The following NPAS2 variants were observed in gnomAD, a reference collection of about 807,000 sequenced individuals.
NPAS2 encodes the protein neuronal PAS domain protein 2.
Under a neutral mutation model 107.5 loss-of-function variants are expected in NPAS2, and 23 were observed. That is an observed-to-expected ratio of 0.21 (90% confidence interval 0.15 to 0.30). The LOEUF (loss-of-function observed/expected upper bound fraction) is 0.30, where lower values mean the gene tolerates loss of function less well. Among genes scored for constraint, NPAS2 ranks in the 10% least tolerant of loss-of-function variants. The pLI is 1.00. For synonymous variants in NPAS2, 403 were observed against 417.5 expected, an observed-to-expected ratio of 0.97 and a Z score of 0.42; for missense variants, 756 against 1,043.3, an observed-to-expected ratio of 0.72 and a Z score of 3.79.
At position 100,882,403 on chromosome 2, in the gene NPAS2, T is replaced by A. The variant is rs546286449; in HGVS notation, c.-22-22330T>A. Among the ~76,000 whole-genome samples, 197 of 151,940 alleles carry A rather than the reference T, an allele frequency of 1.3e-3. 4 individuals carry two copies. In the East Asian group the frequency reaches 0.017, roughly 13 times the overall value. ...GGTGGGCGGATCACAAGGTCAGGAG[T>A]TCGAGACCATCCTGGCTAACACAGT... On this transcript the variant is annotated intron_variant, in intron 1 of 20. Transcript: ENST00000335681.
At chr2:100,874,495 AC>A (rs1047771781) in intron 1 of NPAS2, among the ~76,000 whole-genome samples, 3 of 152,046 alleles carry the variant, frequency 2.0e-5, no homozygotes, top group Admixed American at 1.3e-4. Flanking sequence ...TAATCCTAGC[AC>A]TTTGGGAGGC....
Position 100,990,862 on chromosome 2 carries a change from C to T in NPAS2, c.2101C>T (p.Arg701Trp), listed in dbSNP as rs141762291. The T allele has an allele frequency of 4.4e-5, 71 of 1,613,944 alleles. No individual in the cohort carries two copies. The highest frequency in any genetic ancestry group is 3.3e-4 in the Middle Eastern group (2 of 6,084). Residue 701 changes from arginine (R) to tryptophan (W), a missense_variant, in exon 19 of 21, where the codon CGG becomes TGG. Transcript: ENST00000335681. ...RQPSEVSRTG[R>W]QVKYAQSQTV... ...GCCCTCGGAAGTCAGCAGGACGGGA[C>T]GGCAAGTCAAGTACGTGGACCCTGG...
chr2:100,835,792 G>A (rs1206447247), intron 1 of NPAS2, among the ~76,000 whole-genome samples: 7 of 151,962 alleles, frequency 4.6e-5, no homozygotes, highest in Admixed American at 2.0e-4. Context: ...TGGAAAACCC[G>A]AGATGGACTG....
At chr2:100,823,964 C>A (rs1317239708) in intron 1 of NPAS2, among the ~76,000 whole-genome samples, 1 of 152,076 alleles carries the variant, frequency 6.6e-6, no homozygotes, top group East Asian at 1.9e-4. Context: ...GGGTAGCCTC[C>A]CAGCTCAGCT....
rs753866600 is a variant in NPAS2, at chr2:100,904,802, C to T, written c.32+16C>T. On this transcript the variant is annotated intron_variant, in intron 2 of 20. Transcript: ENST00000335681. ...GAGCCAAGAGGTAAGATGCAGCTGTCCCCCTGCTCAGCAGAGCTCTCTGGC... is the reference window on the plus strand; with the variant it reads ...GAGCCAAGAGGTAAGATGCAGCTGTTCCCCTGCTCAGCAGAGCTCTCTGGC... The T allele has an allele frequency of 8.2e-6, 13 of 1,591,764 alleles. No homozygotes were observed. The Admixed American group carries it at 1.2e-4, about 15-fold the overall frequency.
chr2:100,877,445 C>CAAAAAAAA (rs72050213), intron 1 of NPAS2, among the ~76,000 whole-genome samples: 3 of 81,590 alleles, frequency 3.7e-5, no homozygotes, highest in African/African-American at 9.7e-5. Flanking sequence ...GACTCCGTCT[C>CAAAAAAAA]AAAAAAAAAA....
At chr2:100,827,572 T>G (rs1676465051) in intron 1 of NPAS2, among the ~76,000 whole-genome samples, 1 of 152,200 alleles carries the variant, frequency 6.6e-6, no homozygotes, top group Admixed American at 6.5e-5. Context: ...CAGTACCTGT[T>G]GTTGCCATCT....
intron 4 of NPAS2, among the ~76,000 whole-genome samples, chr2:100,936,455 C>T (rs996517640): frequency 4.6e-5 from 7 of 152,154 alleles, no homozygotes; most frequent in African/African-American, 1.7e-4. Context: ...TGACAGGTTT[C>T]CAGTAAAAGT....
At position 100,995,453 on chromosome 2, in the gene NPAS2, C is replaced by T; in HGVS notation, c.2346C>T (p.Ser782=). 2 of 1,614,152 alleles carry T rather than the reference C, an allele frequency of 1.2e-6. No homozygotes were observed. The highest frequency in any genetic ancestry group is 1.7e-6 in the Non-Finnish European group (2 of 1,180,026). Reference sequence around the variant, plus strand: ...AGCAGCAGGACTCGCTACTTCTCTCCACCTACTCACAACAGCCAGGGACCC... The same window carrying T: ...AGCAGCAGGACTCGCTACTTCTCTCTACCTACTCACAACAGCCAGGGACCC... ...HSEQQDSLLL[S]TYSQQPGTLG... The change falls in exon 21 of 21, where the codon TCC becomes TCT. Residue 782 remains serine, a synonymous_variant. Transcript: ENST00000335681.
intron 2 of NPAS2, among the ~76,000 whole-genome samples, chr2:100,922,588 A>G (rs184026010): frequency 1.9e-4 from 29 of 152,168 alleles, no homozygotes; most frequent in African/African-American, 6.0e-4. Context: ...TGTCTCAAAA[A>G]CAAAAACCCA....
At chr2:100,876,986 G>A (rs1356550302) in intron 1 of NPAS2, among the ~76,000 whole-genome samples, 1 of 152,210 alleles carries the variant, frequency 6.6e-6, no homozygotes, top group African/African-American at 2.4e-5. Context: ...AAAGAGGTTT[G>A]GCATTTCACA....
chr2:100,909,698 GA>G (rs750878429), intron 2 of NPAS2, among the ~76,000 whole-genome samples: 106 of 151,380 alleles, frequency 7.0e-4, no homozygotes, highest in Admixed American at 3.7e-3. Context: ...CACACGGGGG[GA>G]AAAAATGGCA....
At chr2:100,924,321 GAC>G (rs538396165) in intron 2 of NPAS2, among the ~76,000 whole-genome samples, 158 of 152,306 alleles carry the variant, frequency 1.0e-3, no homozygotes, top group Non-Finnish European at 1.4e-3. Context: ...CAAATGTGTT[GAC>G]ACACATCCAC....
chr2:100,947,745 C>T (rs764373366), intron 5 of NPAS2, among the ~76,000 whole-genome samples: 2 of 152,162 alleles, frequency 1.3e-5, no homozygotes, highest in Non-Finnish European at 2.9e-5. Context: ...ACCACAGTGC[C>T]AAGGCACTCA....
chr2:100,995,354 C>T lies in NPAS2; in HGVS notation c.2293-46C>T, dbSNP rs965529112. 17 of 1,531,170 alleles carry T rather than the reference C, an allele frequency of 1.1e-5. No homozygotes were observed. The East Asian group carries it at 1.1e-4, about 10-fold the overall frequency. The allele number at this position is 1,531,170 out of a possible 1,614,324, so 94.8% of individuals were successfully genotyped here. ...ACTGCCTTGTAAGACAGTTGAGGAG[C>T]GGACATCAGAACCACCTCTGAAGCC... On this transcript the variant is annotated intron_variant, in intron 20 of 20. Transcript: ENST00000335681.
rs182651460 is a variant in NPAS2 at position 100,927,341 on chromosome 2, A to G, written c.181+2047A>G. 4.5e-4 allele frequency among the ~76,000 whole-genome samples: 68 copies of G among 152,318 alleles called. 1 individual carries two copies. The East Asian group carries it at 9.5e-3, about 21-fold the overall frequency. ...GGGCTATGAAAATTCATCCTTTTGC[A>G]TGTGGATTTCCAGTTATCCTGGCAC... On this transcript the variant is annotated intron_variant, in intron 3 of 20. Coordinates refer to ENST00000335681, the MANE Select transcript of NPAS2 (RefSeq NM_002518.4).
Position 100,982,383 on chromosome 2 carries a change from C to T in NPAS2, c.1629+6C>T. The T allele has an allele frequency of 6.2e-7, 1 of 1,613,556 alleles. No individual in the cohort carries two copies. Among genetic ancestry groups the T allele is most frequent in the Non-Finnish European group, 8.5e-7 (1 of 1,179,926 alleles). On this transcript the variant is annotated splice_donor_region_variant and intron_variant, in intron 16 of 20. Transcript: ENST00000335681. ...TCCAGGACTCCAACGTCCAGGTGAT[C>T]CCCTTCCCGGGCTGGCCTCTGTCCC...
chr2:100,896,131 T>C (rs1393542235), intron 1 of NPAS2, among the ~76,000 whole-genome samples: 1 of 152,172 alleles, frequency 6.6e-6, no homozygotes, highest in Non-Finnish European at 1.5e-5. Context: ...GGGTCCTTTA[T>C]TGCACACATA....
chr2:100,932,935 T>C lies in NPAS2; in HGVS notation c.207T>C (p.Cys69=), dbSNP rs372142893. 5 of 1,613,906 alleles carry C rather than the reference T, an allele frequency of 3.1e-6. No homozygotes were observed. The highest frequency in any genetic ancestry group is 3.4e-6 in the Non-Finnish European group (4 of 1,179,862). The change falls in exon 4 of 21, where the codon TGT becomes TGC. Residue 69 remains cysteine (C), a synonymous_variant. Coordinates refer to ENST00000335681, the MANE Select transcript of NPAS2 (RefSeq NM_002518.4). ...AAGTCTCAGCGCAAACGGAAATCTG[T>C]GACATTCAGCAAGACTGGAAGCCTT... ...HNEVSAQTEI[C]DIQQDWKPSF...
Sources: allele counts gnomAD v4.1 joint callset (sites outside exome capture counted in the v4.1 genomes callset), GRCh38; gene constraint gnomAD v4.1.1; transcripts MANE v1.5; gene names NCBI Gene and HGNC (gene_info 2026-07-23, HGNC 2026-07-21).